The following ANHX variants were observed in gnomAD, a reference collection of about 807,000 sequenced individuals.
ANHX encodes the protein anomalous homeobox.
In ANHX, 20 loss-of-function variants were observed where a neutral mutation model predicts 38.9. The observed-to-expected ratio is 0.51, with a 90% CI of 0.36 to 0.75. The LOEUF is 0.75. ANHX is among the 30% of genes least tolerant of loss of function. The probability of loss-of-function intolerance (pLI) is 0.00; values close to 1 mark genes in which losing one functional copy is unlikely to be tolerated. For missense variants in ANHX, 475 were observed against 493.1 expected (o/e 0.96, Z 0.35); for synonymous variants, 185 against 203.1 (o/e 0.91, Z 0.76).
At chr12:133,227,671 C>T (rs912815376) in intron 4 of ANHX, among the ~76,000 whole-genome samples, 153 bp downstream of exon 4, 12 of 152,208 alleles carry the variant, frequency 7.9e-5, no homozygotes, top group African/African-American at 2.2e-4. Context: ...GGACAGTCTG[C>T]CAATCAACAA....
chr12:133,223,168 A>C (rs1471289258), intron 7 of ANHX, among the ~76,000 whole-genome samples: 1 of 150,128 alleles, frequency 6.7e-6, no homozygotes, highest in African/African-American at 2.5e-5. Flanking sequence ...CAGCCTGGGC[A>C]ACAAGATCAA....
chr12:133,218,809 T>C lies in ANHX; in HGVS notation c.*76A>G. 2 of 1,152,046 alleles carry C rather than the reference T, an allele frequency of 1.7e-6. No individual in the cohort carries two copies. The highest frequency in any genetic ancestry group is 1.2e-6 in the Non-Finnish European group (1 of 850,908). The allele number at this position is 1,152,046 out of a possible 1,614,324, so 71.4% of individuals were successfully genotyped here. On this transcript the variant is annotated 3_prime_UTR_variant, in exon 10 of 10. Coordinates refer to ENST00000545940, the MANE Select transcript of ANHX (RefSeq NM_001372060.1). ...TCATTTTGTATTCAGGATAAAGCTC[T>C]GTAACTCCTTGTGTTGACCAGGCAG... is the stretch of plus-strand genomic sequence containing the variant.
At chr12:133,220,409 T>C (rs1411478831) in intron 8 of ANHX, among the ~76,000 whole-genome samples, 3 of 152,130 alleles carry the variant, frequency 2.0e-5, no homozygotes, top group Non-Finnish European at 2.9e-5. Flanking sequence ...CTCCCAGCCA[T>C]GAATGGAAAA....
intron 8 of ANHX, 39 bp from the exon 9 acceptor site, chr12:133,219,406 G>A (rs900315431): frequency 1.1e-5 from 15 of 1,365,552 alleles, no homozygotes; most frequent in South Asian, 2.9e-5. Context: ...CCTATCTCAA[G>A]GGGACACTGG....
intron 7 of ANHX, among the ~76,000 whole-genome samples, chr12:133,222,942 GC>G (rs1957131281): frequency 6.6e-6 from 1 of 152,200 alleles, no homozygotes; most frequent in South Asian, 2.1e-4. Flanking sequence ...TGTAATCCCA[GC>G]ACTTTGGGAG....
intron 3 of ANHX, among the ~76,000 whole-genome samples, 190 bp from the exon 4 acceptor site, chr12:133,228,137 T>C (rs555759842): frequency 5.7e-4 from 87 of 152,258 alleles, no homozygotes; most frequent in African/African-American, 1.9e-3. Flanking sequence ...TGACAAATAC[T>C]GTTCCAGAAC....
intron 3 of ANHX, among the ~76,000 whole-genome samples, chr12:133,229,526 C>T (rs1957237649): frequency 1.3e-5 from 2 of 152,114 alleles, no homozygotes; most frequent in South Asian, 4.1e-4. Context: ...TCTTTACCTC[C>T]TGCCATGTGT....
intron 6 of ANHX, 53 bp downstream of exon 6, chr12:133,226,265 G>A: frequency 1.3e-6 from 2 of 1,536,062 alleles, no homozygotes; most frequent in South Asian, 2.4e-5. Flanking sequence ...CACCTGAGGA[G>A]GAAAGGGAAC....
intron 3 of ANHX, among the ~76,000 whole-genome samples, chr12:133,231,183 G>A (rs1488718609): frequency 6.6e-6 from 1 of 152,098 alleles, no homozygotes; most frequent in Non-Finnish European, 1.5e-5. Context: ...CCCCTTTCTG[G>A]CCAGTCCCTG....
Position 133,218,461 on chromosome 12 carries a change from TAC to T in ANHX, c.*422_*423del, listed in dbSNP as rs1293796282. On this transcript the variant is annotated 3_prime_UTR_variant, in exon 10 of 10. Coordinates refer to ENST00000545940, the MANE Select transcript of ANHX (RefSeq NM_001372060.1). ...TCCCAGTACTCAAGGGAGAAGCCCC[TAC>T]ACACAGAAATCTCAGAACACTCCTC... The T allele has an allele frequency of 6.4e-6, 1 of 156,352 alleles. No individual in the cohort carries two copies. The highest frequency in any genetic ancestry group is 1.9e-4 in the East Asian group (1 of 5,346). The allele number at this position is 156,352 out of a possible 1,614,324, so 9.7% of individuals were successfully genotyped here.
rs796745375 is a variant in ANHX at position 133,224,691 on chromosome 12, C to T, written c.1132+845G>A. ...AAAAAAAAAAAAAAAAAATGCTGGGCGTGGTGGCTCACGCCTGTAATCCCA... is the reference window on the plus strand; with the variant it reads ...AAAAAAAAAAAAAAAAAATGCTGGGTGTGGTGGCTCACGCCTGTAATCCCA... On this transcript the variant is annotated intron_variant, in intron 7 of 9. Coordinates refer to ENST00000545940, the MANE Select transcript of ANHX (RefSeq NM_001372060.1). Among the ~76,000 whole-genome samples the T allele has an allele frequency of 2.6e-3, 358 of 135,160 alleles. 3 individuals carry two copies. Among genetic ancestry groups the T allele is most frequent in the Middle Eastern group, 0.016 (3 of 188 alleles). 88.7% of individuals were successfully genotyped at this position (135,160 alleles called of 152,430 possible).
chr12:133,221,765 TCTTA>T lies in ANHX; in HGVS notation c.1133-417_1133-414del, dbSNP rs1218408078. Among the ~76,000 whole-genome samples, 2 of 152,168 alleles carry T rather than the reference TCTTA, an allele frequency of 1.3e-5. No homozygotes were observed. The highest frequency in any genetic ancestry group is 4.8e-5 in the African/African-American group (2 of 41,436). Reference sequence around the variant, plus strand: ...GCCCTTGGTGGTTTCCACTTTTACCTCTTACTAAGGTTACCAAGATGTCACTGAG... The same window carrying T: ...GCCCTTGGTGGTTTCCACTTTTACCTCTAAGGTTACCAAGATGTCACTGAG... On this transcript the variant is annotated intron_variant, in intron 7 of 9. Coordinates refer to ENST00000545940, the MANE Select transcript of ANHX (RefSeq NM_001372060.1). This position sits in a 1 kb window ranked among gnomAD's most constrained non-coding sequence, Gnocchi z 4.1.
In ANHX at chr12:133,224,774, G is replaced by A. The variant is rs138667728; in HGVS notation, c.1132+762C>T. On this transcript the variant is annotated intron_variant, in intron 7 of 9. Transcript: ENST00000545940. The stretch of plus-strand genomic sequence containing the variant: ...AGGTCAGGAGATCAAGACCATCCTG[G>A]CTAACAGGGTGAAACCCCGTCTCTA... 4.9e-4 allele frequency among the ~76,000 whole-genome samples: 74 copies of A among 151,096 alleles called. 1 individual carries two copies. The South Asian group carries it at 7.9e-3, about 16-fold the overall frequency.
chr12:133,228,491 C>T (rs949559971), intron 3 of ANHX, among the ~76,000 whole-genome samples: 1 of 152,184 alleles, frequency 6.6e-6, no homozygotes, highest in Non-Finnish European at 1.5e-5. Context: ...ACTCACACCC[C>T]TGCCACCCTG....
rs571266995 is a variant in ANHX, at chr12:133,221,077, G to A, written c.1280+128C>T. The stretch of plus-strand genomic sequence containing the variant: ...GTGTAGGCTTGTGGGGACTGTTACA[G>A]TTTTCAGCAATCCAAAGGAGAGGAC... On this transcript the variant is annotated intron_variant, in intron 8 of 9. Transcript: ENST00000545940. This position sits in a 1 kb window ranked among gnomAD's most constrained non-coding sequence, Gnocchi z 4.1. 4 of 1,258,962 alleles carry A rather than the reference G, an allele frequency of 3.2e-6. No individual in the cohort carries two copies. In the Admixed American group the frequency reaches 1.2e-4, roughly 37 times the overall value. 78.0% of individuals were successfully genotyped at this position (1,258,962 alleles called of 1,614,324 possible).
intron 7 of ANHX, among the ~76,000 whole-genome samples, chr12:133,223,063 C>T (rs1957131955): frequency 6.6e-6 from 1 of 151,984 alleles, no homozygotes; most frequent in Non-Finnish European, 1.5e-5. Context: ...GTGAAACATG[C>T]CTGTAATCCC....
At chr12:133,227,783 A>AG in intron 4 of ANHX, 41 bp downstream of exon 4, 2 of 1,533,072 alleles carry the variant, frequency 1.3e-6, no homozygotes, top group East Asian at 2.4e-5. Flanking sequence ...GGGAGGCACC[A>AG]GGCAGGGACC....
chr12:133,221,037 C>T lies in ANHX; in HGVS notation c.1280+168G>A, dbSNP rs1417278058. 2.6e-5 allele frequency among the ~76,000 whole-genome samples: 4 copies of T among 152,304 alleles called. No individual in the cohort carries two copies. The highest frequency in any genetic ancestry group is 1.9e-4 in the East Asian group (1 of 5,184). ...TTGGGCTCTCCTGAGAGAAAAACTA[C>T]CCTTTTCTTCATAGGTGTAGGCTTG... On this transcript the variant is annotated intron_variant, in intron 8 of 9. Transcript: ENST00000545940. This position sits in a 1 kb window ranked among gnomAD's most constrained non-coding sequence, Gnocchi z 4.1.
Position 133,219,310 on chromosome 12 carries a change from C to T in ANHX, c.1338G>A (p.Glu446=). 6 of 1,535,604 alleles carry T rather than the reference C, an allele frequency of 3.9e-6. No homozygotes were observed. Among genetic ancestry groups the T allele is most frequent in the Non-Finnish European group, 5.2e-6 (6 of 1,146,792 alleles). The change falls in exon 9 of 10, where the codon GAG becomes GAA. Residue 446 remains glutamate (E), a synonymous_variant. Transcript: ENST00000545940. ...SAFPGPVSAM[E]LSQALPSSQV... ...GGCTGGAGGGCAGGGCCTGGCTCAG[C>T]TCCATGGCAGACACAGGGCCGGGGA...
Sources: allele counts gnomAD v4.1 joint callset (sites outside exome capture counted in the v4.1 genomes callset), GRCh38; gene constraint gnomAD v4.1.1; non-coding constraint Gnocchi (gnomAD v3.1); transcripts MANE v1.5; gene names NCBI Gene and HGNC (gene_info 2026-07-23, HGNC 2026-07-21).